Variants in SYT2 observed in about 807,000 individuals in gnomAD.
SYT2 encodes synaptotagmin-2.
In SYT2, 15 loss-of-function variants were observed where a neutral mutation model predicts 39.9. The observed-to-expected ratio is 0.38, with a 90% confidence interval of 0.25 to 0.58. The LOEUF (loss-of-function observed/expected upper bound fraction) is 0.58, where lower values mean the gene tolerates loss of function less well. SYT2 is among the 20% of genes least tolerant of loss of function. The pLI is 0.70. For missense variants in SYT2, 389 were observed against 530.3 expected, an observed-to-expected ratio of 0.73 and a Z score of 2.62; for synonymous variants, 181 against 204.5, an observed-to-expected ratio of 0.89 and a Z score of 0.98.
In SYT2 at chr1:202,602,854, T is replaced by C; in HGVS notation, c.465+145A>G. 3 of 1,039,622 alleles carry C rather than the reference T, an allele frequency of 2.9e-6. No homozygotes were observed. The Admixed American group carries it at 6.9e-5, about 24-fold the overall frequency. The allele number at this position is 1,039,622 out of a possible 1,614,324, so 64.4% of individuals were successfully genotyped here. On this transcript the variant is annotated intron_variant, in intron 4 of 8. Coordinates refer to ENST00000367268, the MANE Select transcript of SYT2 (RefSeq NM_177402.5). ...AAGCCAGCATCAATGTCCAGAGCTATAGGCCCTGCAGTTTCCAGCCTGCCT... is the reference window on the plus strand; with the variant it reads ...AAGCCAGCATCAATGTCCAGAGCTACAGGCCCTGCAGTTTCCAGCCTGCCT...
intron 1 of SYT2, among the ~76,000 whole-genome samples, chr1:202,631,794 C>T (rs1691601066): frequency 6.6e-6 from 1 of 152,186 alleles, no homozygotes; most frequent in Admixed American, 6.5e-5. Context: ...AGCATTCAAG[C>T]TGAGGTTAGC....
chr1:202,684,174 T>C (rs1653599875), intron 1 of SYT2, among the ~76,000 whole-genome samples: 1 of 152,204 alleles, frequency 6.6e-6, no homozygotes, highest in Non-Finnish European at 1.5e-5. Context: ...TCCATAGTTA[T>C]CTTTGCTCTT....
Position 202,608,772 on chromosome 1 carries a change from G to GACCCA in SYT2, c.-17-2984_-17-2983insTGGGT, listed in dbSNP as rs1436668999. Among the ~76,000 whole-genome samples, 80 of 152,184 alleles carry GACCCA rather than the reference G, an allele frequency of 5.3e-4. 1 individual carries two copies. The highest frequency in any genetic ancestry group is 1.7e-3 in the Admixed American group (26 of 15,284). On this transcript the variant is annotated intron_variant, in intron 1 of 8. Transcript: ENST00000367268. ...TTCTCTTGGGTATATACATAGGTAT[G>GACCCA]GAATTGCTGGGTCATAACTATGTTT...
At chr1:202,634,796 A>T (rs145781161) in intron 1 of SYT2, among the ~76,000 whole-genome samples, 26 of 152,372 alleles carry the variant, frequency 1.7e-4, no homozygotes, top group African/African-American at 5.3e-4. Context: ...CATGTATTAT[A>T]TAATTCCATC....
At chr1:202,597,066 G>A in intron 8 of SYT2, 103 bp from the exon 9 acceptor site, 2 of 976,298 alleles carry the variant, frequency 2.0e-6, no homozygotes, top group Non-Finnish European at 3.1e-6. Flanking sequence ...GGAAGGTAAG[G>A]CCTCCTGGGG....
chr1:202,666,095 G>C (rs2149107571), intron 1 of SYT2, among the ~76,000 whole-genome samples: 1 of 150,448 alleles, frequency 6.6e-6, no homozygotes, highest in East Asian at 2.0e-4. Flanking sequence ...GGAGCTTGCA[G>C]TGAGCCGAGA....
intron 2 of SYT2, 31 bp from the exon 3 acceptor site, chr1:202,604,652 C>T: frequency 6.2e-7 from 1 of 1,604,390 alleles, no homozygotes. Context: ...CCAGGGTCAG[C>T]AGTGCCATGC....
rs569622200 is a variant in SYT2, at chr1:202,628,904, C to A, written c.-17-23115G>T. On this transcript the variant is annotated intron_variant, in intron 1 of 8. Coordinates refer to ENST00000367268, the MANE Select transcript of SYT2 (RefSeq NM_177402.5). This position sits in a 1 kb window ranked among gnomAD's most constrained non-coding sequence, Gnocchi z 4.2. The stretch of plus-strand genomic sequence containing the variant: ...GCTCTTTTAGCCATGGGAACTTGAA[C>A]AGGTTGCTTAACCTCTCTGGGCCTC... Among the ~76,000 whole-genome samples, 1 of 152,326 alleles carries A rather than the reference C, an allele frequency of 6.6e-6. No homozygotes were observed. Among genetic ancestry groups the A allele is most frequent in the East Asian group, 1.9e-4 (1 of 5,172 alleles).
chr1:202,694,116 T>C (rs986354925), intron 1 of SYT2, among the ~76,000 whole-genome samples: 22 of 152,174 alleles, frequency 1.4e-4, no homozygotes, highest in Non-Finnish European at 3.2e-4. Flanking sequence ...CCGGCCCCAC[T>C]TCCAACACTG....
chr1:202,680,777 A>G (rs1396778101), intron 1 of SYT2, among the ~76,000 whole-genome samples: 1 of 152,164 alleles, frequency 6.6e-6, no homozygotes, highest in East Asian at 1.9e-4. Flanking sequence ...GGTGCTGTCC[A>G]ACAAGCAAAT....
intron 1 of SYT2, among the ~76,000 whole-genome samples, chr1:202,655,666 C>T (rs1482879369): frequency 6.6e-6 from 1 of 152,142 alleles, no homozygotes; most frequent in Non-Finnish European, 1.5e-5. Flanking sequence ...GCAGGGGTTA[C>T]ACGATCCTGC....
chr1:202,638,908 C>T (rs1455737951), intron 1 of SYT2, among the ~76,000 whole-genome samples: 1 of 152,238 alleles, frequency 6.6e-6, no homozygotes, highest in African/African-American at 2.4e-5. Context: ...GAGGGCAAAG[C>T]AAGCTGCCAG....
In SYT2 at chr1:202,639,465, A is replaced by C. The variant is rs370966098; in HGVS notation, c.-17-33676T>G. On this transcript the variant is annotated intron_variant, in intron 1 of 8. Transcript: ENST00000367268. ...AAGCCTCAGTTTCCCCATAATCAAA[A>C]CAGAGGGCTGGATGAGATGATCCCA... 1.0e-5 allele frequency: 10 copies of C among 982,668 alleles called. No individual in the cohort carries two copies. The Admixed American group carries it at 4.3e-4, about 42-fold the overall frequency. The allele number at this position is 982,668 out of a possible 1,614,324, so 60.9% of individuals were successfully genotyped here.
intron 1 of SYT2, among the ~76,000 whole-genome samples, chr1:202,645,711 T>C (rs1692066860): frequency 6.6e-6 from 1 of 152,246 alleles, no homozygotes; most frequent in Admixed American, 6.5e-5. Context: ...ATGTCTATAC[T>C]GCCTCCAATG....
chr1:202,619,960 C>T (rs1691160470), intron 1 of SYT2, among the ~76,000 whole-genome samples: 1 of 152,180 alleles, frequency 6.6e-6, no homozygotes. Context: ...GTGACCTGCC[C>T]AAGGTCACAC....
intron 1 of SYT2, chr1:202,632,295 G>A (rs1691616103): frequency 5.7e-6 from 1 of 175,324 alleles, no homozygotes; most frequent in Non-Finnish European, 1.1e-5. Context: ...AGCTCTCTGA[G>A]GCTCATTAGA....
rs1006831885 is a variant in SYT2, at chr1:202,693,210, G to A, written c.-18+17048C>T. 3.3e-5 allele frequency among the ~76,000 whole-genome samples: 5 copies of A among 152,136 alleles called. No homozygotes were observed. The East Asian group carries it at 9.6e-4, about 29-fold the overall frequency. ...ATGGCTTGCATTTCTAAATACTGTT[G>A]GGGTTTCCAGAATTGCAAGGGTGCT... is the stretch of plus-strand genomic sequence containing the variant. On this transcript the variant is annotated intron_variant, in intron 1 of 8. Coordinates refer to ENST00000367268, the MANE Select transcript of SYT2 (RefSeq NM_177402.5).
chr1:202,693,770 G>A (rs1182403188), intron 1 of SYT2, among the ~76,000 whole-genome samples: 1 of 152,212 alleles, frequency 6.6e-6, no homozygotes, highest in Non-Finnish European at 1.5e-5. Context: ...GATTGTGTTA[G>A]TCCATTTTTG....
intron 1 of SYT2, among the ~76,000 whole-genome samples, chr1:202,706,704 A>C (rs1654261275): frequency 6.6e-6 from 1 of 152,192 alleles, no homozygotes; most frequent in South Asian, 2.1e-4. Context: ...AGGCTTCTGG[A>C]GTCCAGGAGA....
Sources: gnomAD v4.1 joint callset for allele counts (sites outside exome capture counted in the v4.1 genomes callset) on GRCh38, gnomAD v4.1.1 for gene constraint, Gnocchi (gnomAD v3.1) non-coding constraint, MANE v1.5 for transcripts, NCBI Gene and HGNC (gene_info 2026-07-23, HGNC 2026-07-21) for gene names.